Variants in ATP10B observed in about 807,000 individuals in gnomAD.
ATP10B encodes the protein ATPase phospholipid transporting 10B (putative).
Under a neutral mutation model 141.2 loss-of-function variants are expected in ATP10B, and 122 were observed. The observed-to-expected ratio is 0.86, with a 90% CI of 0.75 to 1.00. ATP10B has a LOEUF of 1.00. ATP10B is among the 50% of genes least tolerant of loss of function. The pLI is 0.00. For missense variants in ATP10B, 1,876 were observed against 1,825.3 expected (o/e 1.03, Z -0.51); for synonymous variants, 685 against 692.0 (o/e 0.99, Z 0.16).
intron 1 of ATP10B, among the ~76,000 whole-genome samples, chr5:160,799,801 T>C (rs749115174): frequency 2.0e-5 from 3 of 152,182 alleles, no homozygotes; most frequent in Non-Finnish European, 4.4e-5. Context: ...TTTAGAGTTC[T>C]CAGCGTATTA....
chr5:160,730,426 C>G (rs897651736), intron 2 of ATP10B, among the ~76,000 whole-genome samples: 4 of 152,044 alleles, frequency 2.6e-5, no homozygotes, highest in Non-Finnish European at 4.4e-5. Context: ...GGCTACACAA[C>G]CAGGAATTCA....
rs1771973393 is a variant in ATP10B, at chr5:160,796,745, T to C, written c.-575-10942A>G. On this transcript the variant is annotated intron_variant, in intron 1 of 25. Transcript: ENST00000327245. ...TGACGTCTTGTCTATTATAGACTCT[T>C]ATGGGAAGGGAGGATCTTGAGAGTG... Among the ~76,000 whole-genome samples the C allele has an allele frequency of 1.3e-5, 2 of 152,134 alleles. 1 individual carries two copies. Among genetic ancestry groups the C allele is most frequent in the South Asian group, 4.1e-4 (2 of 4,826 alleles).
chr5:160,793,800 C>T (rs973188102), intron 1 of ATP10B, among the ~76,000 whole-genome samples: 7 of 152,182 alleles, frequency 4.6e-5, no homozygotes, highest in African/African-American at 1.7e-4. Flanking sequence ...TGCAAGTGTA[C>T]CATTAAAAAT....
At chr5:160,819,996 C>G (rs988410555) in intron 1 of ATP10B, among the ~76,000 whole-genome samples, 1 of 151,244 alleles carries the variant, frequency 6.6e-6, no homozygotes, top group African/African-American at 2.4e-5. Flanking sequence ...AAACCAAATG[C>G]AAAATTAGTA....
At chr5:160,856,026 A>C (rs576841111), upstream of ATP10B, among the ~76,000 whole-genome samples, 2 of 150,750 alleles carry the variant, frequency 1.3e-5, no homozygotes. Flanking sequence ...CTTCCACTTT[A>C]TTTTTTTTCA....
chr5:160,686,376 C>T, intron 5 of ATP10B, 103 bp from the exon 6 acceptor site: 1 of 768,338 alleles, frequency 1.3e-6, no homozygotes, highest in Non-Finnish European at 2.0e-6. Flanking sequence ...TAAACCTTCT[C>T]TTTCAGTATC....
At chr5:160,873,033 T>C in the ATP10B span, among the ~76,000 whole-genome samples, 1 of 152,164 alleles carries the variant, frequency 6.6e-6, no homozygotes, top group Non-Finnish European at 1.5e-5. Flanking sequence ...TTTGTTTGTG[T>C]CATCTATGAT....
chr5:160,698,374 T>C (rs938934366), intron 3 of ATP10B, among the ~76,000 whole-genome samples: 2 of 152,202 alleles, frequency 1.3e-5, no homozygotes, highest in Admixed American at 1.3e-4. Context: ...GCCAAGCCAC[T>C]ATTTTTAAGT....
intron 2 of ATP10B, among the ~76,000 whole-genome samples, chr5:160,777,438 A>G (rs1213318825): frequency 6.6e-6 from 1 of 152,214 alleles, no homozygotes; most frequent in Non-Finnish European, 1.5e-5. Context: ...CCACAGCTGC[A>G]CTGGGAAATC....
intron 3 of ATP10B, among the ~76,000 whole-genome samples, chr5:160,709,311 G>C (rs917386784): frequency 1.3e-5 from 2 of 152,114 alleles, no homozygotes; most frequent in African/African-American, 4.8e-5. Context: ...ACCACATATT[G>C]GGAGGAGATG....
chr5:160,686,044 T>C (rs748049874), intron 6 of ATP10B, 35 bp downstream of exon 6: 1 of 1,482,398 alleles, frequency 6.7e-7, no homozygotes, highest in Non-Finnish European at 9.1e-7. Flanking sequence ...GCCTAACCCA[T>C]TTGCAAGAGA....
At chr5:160,594,819 A>G (rs1756568410) in intron 22 of ATP10B, among the ~76,000 whole-genome samples, 2 of 152,192 alleles carry the variant, frequency 1.3e-5, no homozygotes, top group African/African-American at 4.8e-5. Flanking sequence ...TAAAGGGATC[A>G]ATTCAACAAG....
intron 1 of ATP10B, among the ~76,000 whole-genome samples, chr5:160,792,167 C>T (rs1304929504): frequency 1.3e-5 from 2 of 152,140 alleles, no homozygotes; most frequent in Non-Finnish European, 2.9e-5. Context: ...TTGTCACACT[C>T]CATTTTATGT....
chr5:160,685,175 T>G lies in ATP10B; in HGVS notation c.470+904A>C, dbSNP rs754685506. The G allele has an allele frequency of 2.7e-5, 17 of 635,660 alleles. No individual in the cohort carries two copies. The African/African-American group carries it at 2.9e-4, about 11-fold the overall frequency. The allele number at this position is 635,660 out of a possible 1,614,324, so 39.4% of individuals were successfully genotyped here. On this transcript the variant is annotated intron_variant, in intron 6 of 25. Coordinates refer to ENST00000327245, the MANE Select transcript of ATP10B (RefSeq NM_025153.3). Reference sequence around the variant, plus strand: ...AGCAAGTTAGAGACCACTACTCGCTTCTTGTCTTCTTTTCTTTTCCACCTT... The same window carrying G: ...AGCAAGTTAGAGACCACTACTCGCTGCTTGTCTTCTTTTCTTTTCCACCTT...
chr5:160,626,138 C>T (rs1329539942), intron 13 of ATP10B, among the ~76,000 whole-genome samples: 1 of 152,158 alleles, frequency 6.6e-6, no homozygotes, highest in African/African-American at 2.4e-5. Flanking sequence ...GTGTCCTTAC[C>T]CATTGCTGAC....
intron 1 of ATP10B, among the ~76,000 whole-genome samples, chr5:160,809,083 A>C (rs1032751030): frequency 6.6e-6 from 1 of 152,186 alleles, no homozygotes; most frequent in Admixed American, 6.5e-5. Flanking sequence ...AAGGACACCA[A>C]GTGTATTAGA....
chr5:160,703,352 C>A (rs997875600), intron 3 of ATP10B, among the ~76,000 whole-genome samples: 1 of 152,048 alleles, frequency 6.6e-6, no homozygotes, highest in Admixed American at 6.5e-5. Context: ...TGTGCAATAG[C>A]ATTATGTCTA....
intron 7 of ATP10B, 109 bp downstream of exon 7, chr5:160,670,354 G>A (rs1294027493): frequency 1.0e-6 from 1 of 977,480 alleles, no homozygotes; most frequent in Non-Finnish European, 1.6e-6. Flanking sequence ...GGAAAAGGAG[G>A]CATCTACTAC....
chr5:160,882,742 G>A, the ATP10B span, among the ~76,000 whole-genome samples: 4 of 152,096 alleles, frequency 2.6e-5, no homozygotes, highest in African/African-American at 9.7e-5. Flanking sequence ...AGGAATGGAA[G>A]AGAAAAAACA....
Sources: gnomAD v4.1 joint callset for allele counts (sites outside exome capture counted in the v4.1 genomes callset) on GRCh38, gnomAD v4.1.1 for gene constraint, MANE v1.5 for transcripts, NCBI Gene and HGNC (gene_info 2026-07-23, HGNC 2026-07-21) for gene names.